The following INSRR variants were observed in gnomAD, a reference collection of about 807,000 sequenced individuals.
INSRR encodes insulin receptor-related protein.
A neutral mutation model predicts 130.0 loss-of-function variants in INSRR; 114 were observed. That is an observed-to-expected ratio of 0.88 (90% CI 0.75 to 1.02). The LOEUF (loss-of-function observed/expected upper bound fraction) is 1.02, where lower values mean the gene tolerates loss of function less well. INSRR is among the 50% of genes least tolerant of loss of function. The pLI is 0.00. For synonymous variants in INSRR, 674 were observed against 705.2 expected (o/e 0.96, Z 0.70); for missense variants, 1,657 against 1,735.2 (o/e 0.95, Z 0.80).
intron 3 of INSRR, 28 bp from the exon 4 acceptor site, chr1:156,851,816 C>A (rs184005539): frequency 1.3e-6 from 2 of 1,594,690 alleles, no homozygotes; most frequent in African/African-American, 2.7e-5. Context: ...ATGTCCTGAG[C>A]CTTGGACCAG....
At position 156,848,951 on chromosome 1, in the gene INSRR, A is replaced by G; in HGVS notation, c.1541T>C (p.Leu514Pro). 1 of 1,596,172 alleles carries G rather than the reference A, an allele frequency of 6.3e-7. No homozygotes were observed. Among genetic ancestry groups the G allele is most frequent in the Non-Finnish European group, 8.5e-7 (1 of 1,171,802 alleles). Reference sequence around the variant, plus strand: ...CTTGTAGTACACGATGAAGCTGAGCAGGTCGCGGGCCTCCAGTGGCTCATA... The same window carrying G: ...CTTGTAGTACACGATGAAGCTGAGCGGGTCGCGGGCCTCCAGTGGCTCATA... ...ERYEPLEARD[L>P]LSFIVYYKES... The change falls in exon 7 of 22, where the codon CTG (leucine) becomes CCG (proline). Residue 514 changes from leucine to proline, a missense_variant. Transcript: ENST00000368195.
rs532604169 is a variant in INSRR, at chr1:156,846,732, C to T, written c.1597G>A (p.Val533Met). The T allele has an allele frequency of 3.1e-5, 50 of 1,614,084 alleles. No individual in the cohort carries two copies. Among genetic ancestry groups the T allele is most frequent in the Non-Finnish European group, 3.6e-5 (43 of 1,180,020 alleles). The change falls in exon 8 of 22, where the codon GTG (valine) becomes ATG (methionine). Residue 533 changes from valine to methionine, a missense_variant. By Grantham distance (21) the Val-to-Met change is conservative. Coordinates refer to ENST00000368195, the MANE Select transcript of INSRR (RefSeq NM_014215.3). ...ESPFQNATEH[V>M]GPDACGTQSW... ...TGGGTTCCACAAGCATCTGGACCCA[C>T]GTGCTCTGTGGCGTTCTGGAATGGG...
Position 156,858,220 on chromosome 1 carries a change from G to A in INSRR, c.85+317C>T, listed in dbSNP as rs185024555. The stretch of plus-strand genomic sequence containing the variant: ...CTTCCCATTCAGTGGCCCTAGAGAT[G>A]ACTTCTAACACTCTCACGGCCTCAT... On this transcript the variant is annotated intron_variant, in intron 1 of 21. Transcript: ENST00000368195. 1.2e-4 allele frequency among the ~76,000 whole-genome samples: 18 copies of A among 152,328 alleles called. No homozygotes were observed. The East Asian group carries it at 2.5e-3, about 21-fold the overall frequency.
chr1:156,850,847 G>A lies in INSRR; in HGVS notation c.1229+443C>T, dbSNP rs368226321. ...GCAGGGATTACAGGTGTGAGCCACC[G>A]TGCCTGGCTCATTCTTTTTATTTTA... On this transcript the variant is annotated intron_variant, in intron 5 of 21. Coordinates refer to ENST00000368195, the MANE Select transcript of INSRR (RefSeq NM_014215.3). 2.9e-4 allele frequency among the ~76,000 whole-genome samples: 44 copies of A among 152,222 alleles called. No individual in the cohort carries two copies. The East Asian group carries it at 7.1e-3, about 25-fold the overall frequency.
rs775955078 is a variant in INSRR at position 156,841,739 on chromosome 1, C to T, written c.3453G>A (p.Lys1151=). 3.7e-6 allele frequency: 6 copies of T among 1,614,060 alleles called. No homozygotes were observed. In the Admixed American group the frequency reaches 8.3e-5, roughly 22 times the overall value. ...YETDYYRKGG[K]GLLPVRWMAP... ...CCATCCAGCGCACGGGCAGCAGCCC[C>T]TTCCCACCCTTGCGGTAATAGTCTG... The change falls in exon 20 of 22, where the codon AAG becomes AAA. Residue 1151 remains lysine (K), a synonymous_variant. Transcript: ENST00000368195.
chr1:156,846,089 G>C lies in INSRR; in HGVS notation c.1841C>G (p.Thr614Arg), dbSNP rs1182447123. Residue 614 changes from threonine (T) to arginine (R), a missense_variant, in exon 9 of 22, where the codon ACG becomes AGG. Transcript: ENST00000368195. The part of the protein sequence containing the change: ...APTVPQDVIS[T>R]SNSSSHLLVR... ...CAGGAGGTGGGAGGAGGAGTTGGACGTGGAGATGACGTCTTGGGGCACCGT... is the reference window on the plus strand; with the variant it reads ...CAGGAGGTGGGAGGAGGAGTTGGACCTGGAGATGACGTCTTGGGGCACCGT... 1.2e-6 allele frequency: 2 copies of C among 1,608,990 alleles called. No individual in the cohort carries two copies. Among genetic ancestry groups the C allele is most frequent in the Non-Finnish European group, 1.7e-6 (2 of 1,177,188 alleles).
intron 20 of INSRR, 60 bp downstream of exon 20, chr1:156,841,605 G>A (rs774816847): frequency 5.0e-6 from 8 of 1,609,788 alleles, no homozygotes; most frequent in Non-Finnish European, 6.8e-6. Flanking sequence ...GGGTGTTCCA[G>A]GCCCCTCCCC....
chr1:156,856,675 T>G (rs1655414303), intron 1 of INSRR, among the ~76,000 whole-genome samples: 2 of 152,092 alleles, frequency 1.3e-5, no homozygotes, highest in African/African-American at 4.8e-5. Context: ...TGTCACCCCC[T>G]CCAAGGAGGG....
At chr1:156,844,981 G>A (rs2102857451) in intron 12 of INSRR, 95 bp downstream of exon 12, 1 of 1,534,296 alleles carries the variant, frequency 6.5e-7, no homozygotes, top group Non-Finnish European at 8.8e-7. Context: ...AGCAAAGCGA[G>A]GCTCTGGGGT....
At position 156,854,074 on chromosome 1, in the gene INSRR, G is replaced by A. The variant is rs370141401; in HGVS notation, c.315C>T (p.Arg105=). Residue 105 remains arginine, a synonymous_variant, in exon 2 of 22, where the codon CGC becomes CGT. Transcript: ENST00000368195. This position sits in a 1 kb window ranked among gnomAD's most constrained non-coding sequence, Gnocchi z 4.2. The part of the protein sequence containing the change: ...RDLFPNLAVI[R]GTRLFLGYAL... The stretch of plus-strand genomic sequence containing the variant: ...CATAGCCCAGGAAGAGGCGCGTCCC[G>A]CGGATGACTGCTAGGTTGGGGAAGA... 145 of 1,613,926 alleles carry A rather than the reference G, an allele frequency of 9.0e-5. No homozygotes were observed. The highest frequency in any genetic ancestry group is 1.1e-4 in the Non-Finnish European group (128 of 1,180,050).
At position 156,846,628 on chromosome 1, in the gene INSRR, A is replaced by G. The variant is rs1474664680; in HGVS notation, c.1701T>C (p.Pro567=). Residue 567 remains proline, a synonymous_variant, in exon 8 of 22, where the codon CCT becomes CCC. Transcript: ENST00000368195. Reference sequence around the variant, plus strand: ...GCACAAACACTGCGTACTGTGTCCAAGGCTTGAGGGAGGCTAGGGTCACCC... The same window carrying G: ...GCACAAACACTGCGTACTGTGTCCAGGGCTTGAGGGAGGCTAGGGTCACCC... ...EPGVTLASLK[P]WTQYAVFVRA... 2.5e-6 allele frequency: 4 copies of G among 1,614,042 alleles called. No individual in the cohort carries two copies. Among genetic ancestry groups the G allele is most frequent in the East Asian group, 2.2e-5 (1 of 44,834 alleles).
At chr1:156,855,632 G>A (rs1197579695) in intron 1 of INSRR, among the ~76,000 whole-genome samples, 2 of 152,088 alleles carry the variant, frequency 1.3e-5, no homozygotes, top group Admixed American at 1.3e-4. Flanking sequence ...AGACCAGCCT[G>A]GGCAACATGG....
At position 156,846,184 on chromosome 1, in the gene INSRR, G is replaced by A. The variant is rs1655001157; in HGVS notation, c.1811-65C>T. 8 of 1,468,688 alleles carry A rather than the reference G, an allele frequency of 5.4e-6. No individual in the cohort carries two copies. In the East Asian group the frequency reaches 6.9e-5, roughly 13 times the overall value. The allele number at this position is 1,468,688 out of a possible 1,614,324, so 91.0% of individuals were successfully genotyped here. On this transcript the variant is annotated intron_variant, in intron 8 of 21. Coordinates refer to ENST00000368195, the MANE Select transcript of INSRR (RefSeq NM_014215.3). ...TTCCTCCTGAATACTATCTAGTAAT[G>A]AGCCCTCCTTTCTGGGGTCCAACAG...
chr1:156,843,998 G>A lies in INSRR; in HGVS notation c.2843+177C>T, dbSNP rs182852831. Among the ~76,000 whole-genome samples the A allele has an allele frequency of 1.2e-3, 186 of 152,318 alleles. 1 individual carries two copies. Among genetic ancestry groups the A allele is most frequent in the African/African-American group, 4.3e-3 (180 of 41,578 alleles). ...AAACCAGGAAAGTCCCAGGCTAACC[G>A]GGATGAGTTGGTCACCCTAACTGAG... On this transcript the variant is annotated intron_variant, in intron 15 of 21. Transcript: ENST00000368195.
chr1:156,849,047 C>T lies in INSRR; in HGVS notation c.1445G>A (p.Cys482Tyr), dbSNP rs1259426093. The T allele has an allele frequency of 1.2e-6, 2 of 1,612,642 alleles. No homozygotes were observed. The highest frequency in any genetic ancestry group is 1.7e-6 in the Non-Finnish European group (2 of 1,179,620). The change falls in exon 7 of 22, where the codon TGC (cysteine) becomes TAC (tyrosine). Residue 482 changes from cysteine to tyrosine, a missense_variant and splice_region_variant. Transcript: ENST00000368195. ...CACGAAGCGCAGGGTGCGAGTCTGG[C>T]CTGGGTGGGGCGAGGGGCCTGCTCG... ...NPRTNGDRAA[C>Y]QTRTLRFVSN...
Position 156,843,037 on chromosome 1 carries a change from A to G in INSRR, c.3093T>C (p.Ala1031=). The change falls in exon 17 of 22, where the codon GCT becomes GCC. Residue 1031 remains alanine, a synonymous_variant. Coordinates refer to ENST00000368195, the MANE Select transcript of INSRR (RefSeq NM_014215.3). The part of the protein sequence containing the change: ...PRECIEFLKE[A]SVMKAFKCHH... ...GACACTTGAAGGCTTTCATGACAGA[A>G]GCTTCCTTGAGGAACTCAATGCATT... 1 of 1,613,988 alleles carries G rather than the reference A, an allele frequency of 6.2e-7. No individual in the cohort carries two copies. The highest frequency in any genetic ancestry group is 8.5e-7 in the Non-Finnish European group (1 of 1,179,898).
At chr1:156,848,867 G>A (rs1233353472) in intron 7 of INSRR, 54 bp downstream of exon 7, 5 of 1,532,718 alleles carry the variant, frequency 3.3e-6, no homozygotes, top group Non-Finnish European at 3.5e-6. Flanking sequence ...TGGTCCCGAA[G>A]AAATTGGCCT....
chr1:156,849,589 A>C (rs1571666856), intron 5 of INSRR, 129 bp from the exon 6 acceptor site: 2 of 663,406 alleles, frequency 3.0e-6, no homozygotes, highest in Non-Finnish European at 5.3e-6. Flanking sequence ...TGGCTGGCTC[A>C]CACCAGCACA....
chr1:156,858,683 T>G lies in INSRR; in HGVS notation c.-62A>C. On this transcript the variant is annotated 5_prime_UTR_variant, in exon 1 of 22. Coordinates refer to ENST00000368195, the MANE Select transcript of INSRR (RefSeq NM_014215.3). ...CTCCCGGTGACTCTGGGGAGAACGG[T>G]GTGATAAGCCCTAAGGGACACAGAG... 1 of 1,414,678 alleles carries G rather than the reference T, an allele frequency of 7.1e-7. No homozygotes were observed. Among genetic ancestry groups the G allele is most frequent in the South Asian group, 1.1e-5 (1 of 87,110 alleles). The allele number at this position is 1,414,678 out of a possible 1,614,324, so 87.6% of individuals were successfully genotyped here. A position where few individuals can be genotyped will look rare whatever the true frequency, so the allele number is the denominator to read the frequency against.
Sources: allele counts gnomAD v4.1 joint callset (sites outside exome capture counted in the v4.1 genomes callset), GRCh38; gene constraint gnomAD v4.1.1; non-coding constraint Gnocchi (gnomAD v3.1); transcripts MANE v1.5; gene names NCBI Gene and HGNC (gene_info 2026-07-23, HGNC 2026-07-21).